The following TEAD1 variants were observed in gnomAD, a reference collection of about 807,000 sequenced individuals.
The protein encoded by TEAD1 is transcriptional enhancer factor TEF-1.
Under a neutral mutation model 54.9 loss-of-function variants are expected in TEAD1, and 9 were observed. The observed-to-expected ratio is 0.16, with a 90% CI of 0.10 to 0.29. The LOEUF (loss-of-function observed/expected upper bound fraction) is 0.29, where lower values mean the gene tolerates loss of function less well. TEAD1 is among the 10% of genes least tolerant of loss of function. The probability of loss-of-function intolerance (pLI) is 1.00; values close to 1 mark genes in which losing one functional copy is unlikely to be tolerated. For synonymous variants in TEAD1, 200 were observed against 187.8 expected (o/e 1.07, Z -0.53); for missense variants, 387 against 535.9 (o/e 0.72, Z 2.74).
chr11:12,709,061 G>C (rs1183559624), intron 2 of TEAD1, among the ~76,000 whole-genome samples: 1 of 152,140 alleles, frequency 6.6e-6, no homozygotes, highest in Non-Finnish European at 1.5e-5. Context: ...ATTTGGGCTG[G>C]GTGCGGTAGC....
chr11:12,908,862 T>A (rs987289109), intron 10 of TEAD1, among the ~76,000 whole-genome samples: 1 of 151,406 alleles, frequency 6.6e-6, no homozygotes, highest in African/African-American at 2.4e-5. Flanking sequence ...TAGCTATATG[T>A]CAGTATACTT....
At chr11:12,690,263 AT>A (rs1411768297) in intron 2 of TEAD1, among the ~76,000 whole-genome samples, 5 of 150,462 alleles carry the variant, frequency 3.3e-5, no homozygotes, top group Non-Finnish European at 5.9e-5. Context: ...AAAAAAAAAA[AT>A]AATAAGCCCT....
intron 2 of TEAD1, among the ~76,000 whole-genome samples, chr11:12,743,812 A>G (rs1944693005): frequency 6.6e-6 from 1 of 152,250 alleles, no homozygotes; most frequent in African/African-American, 2.4e-5. Context: ...GCATTGGCAC[A>G]GTAGAAACTA....
chr11:12,767,239 C>T lies in TEAD1; in HGVS notation c.202+2805C>T, dbSNP rs1490706567. Among the ~76,000 whole-genome samples, 3 of 152,136 alleles carry T rather than the reference C, an allele frequency of 2.0e-5. No homozygotes were observed. The East Asian group carries it at 5.8e-4, about 29-fold the overall frequency. On this transcript the variant is annotated intron_variant, in intron 3 of 12. Coordinates refer to ENST00000527636, the MANE Select transcript of TEAD1 (RefSeq NM_021961.6). ...CAGAGCTACTGTCCTGGGCTTTTGG[C>T]CTGTTCCCCATCTTACCATACATGA...
intron 3 of TEAD1, among the ~76,000 whole-genome samples, chr11:12,845,691 A>G (rs1353232785): frequency 6.6e-6 from 1 of 151,970 alleles, no homozygotes; most frequent in Admixed American, 6.6e-5. Context: ...TTTCATCTCA[A>G]GAACCACCTG....
At position 12,862,252 on chromosome 11, in the gene TEAD1, A is replaced by C. The variant is rs1472395742; in HGVS notation, c.205A>C (p.Arg69=). 1.2e-6 allele frequency: 2 copies of C among 1,613,736 alleles called. No homozygotes were observed. Among genetic ancestry groups the C allele is most frequent in the African/African-American group, 2.7e-5 (2 of 74,998 alleles). ...TGGTAAATTCTTCTTTCTTTCAGGT[A>C]GGAATGAATTGATAGCCAGATACAT... The change falls in exon 4 of 13, where the codon AGG becomes CGG. Residue 69 remains arginine (R), a splice_region_variant and synonymous_variant. Transcript: ENST00000527636.
rs746212135 is a variant in TEAD1, at chr11:12,881,918, G to T, written c.535G>T (p.Ala179Ser). ...CAGCGTCAAGCCTTTTGTGCAGCAG[G>T]CCTACCCCATCCAGCCAGCGGTCAC... is the stretch of plus-strand genomic sequence containing the variant. Residue 179 changes from alanine to serine, a missense_variant, in exon 8 of 13, where the codon GCC (alanine) becomes TCC (serine). By Grantham distance (99) the Ala-to-Ser change is moderately conservative (BLOSUM62 1). Around this residue, in one of 5 missense-constraint regions of TEAD1, gnomAD observed 180 missense variants for 180.6 expected, o/e 1.00. Transcript: ENST00000527636. The T allele has an allele frequency of 5.6e-6, 9 of 1,614,042 alleles. No homozygotes were observed. The highest frequency in any genetic ancestry group is 7.6e-6 in the Non-Finnish European group (9 of 1,180,032).
chr11:12,763,180 C>CT (rs1945135160), intron 2 of TEAD1, among the ~76,000 whole-genome samples: 1 of 152,148 alleles, frequency 6.6e-6, no homozygotes, highest in Non-Finnish European at 1.5e-5. Flanking sequence ...AAAGCTTATC[C>CT]TTTTATGACC....
rs140615644 is a variant in TEAD1 at position 12,831,865 on chromosome 11, G to A, written c.203-30385G>A. On this transcript the variant is annotated intron_variant, in intron 3 of 12. Transcript: ENST00000527636. Reference sequence around the variant, plus strand: ...TACATTTACTTATTTTTTACTTATTGAAATATGCCACTTGTTTTTAAATAG... The same window carrying A: ...TACATTTACTTATTTTTTACTTATTAAAATATGCCACTTGTTTTTAAATAG... Among the ~76,000 whole-genome samples the A allele has an allele frequency of 1.8e-4, 28 of 151,548 alleles. No homozygotes were observed. In the East Asian group the frequency reaches 4.1e-3, roughly 22 times the overall value.
intron 10 of TEAD1, among the ~76,000 whole-genome samples, chr11:12,913,714 G>C (rs565167702): frequency 6.6e-6 from 1 of 152,258 alleles, no homozygotes; most frequent in East Asian, 1.9e-4. Context: ...ACAGTATTTG[G>C]TATATATGTT....
intron 9 of TEAD1, among the ~76,000 whole-genome samples, chr11:12,885,628 G>A (rs975909716): frequency 3.3e-5 from 5 of 152,120 alleles, no homozygotes; most frequent in Non-Finnish European, 5.9e-5. Context: ...AAGACACTGG[G>A]AGGCAAAAGT....
In TEAD1 at chr11:12,937,253, A is replaced by G; in HGVS notation, c.*31A>G. On this transcript the variant is annotated 3_prime_UTR_variant, in exon 13 of 13. Transcript: ENST00000527636. ...GTTATTTATATATATAGATATCTGT[A>G]TATACACACACACATATGTGCACAC... The G allele has an allele frequency of 1.4e-6, 2 of 1,429,956 alleles. No homozygotes were observed. The highest frequency in any genetic ancestry group is 2.4e-5 in the East Asian group (1 of 42,260). 88.6% of individuals were successfully genotyped at this position (1,429,956 alleles called of 1,614,324 possible).
intron 2 of TEAD1, among the ~76,000 whole-genome samples, chr11:12,717,601 T>A (rs761968315): frequency 2.6e-5 from 4 of 151,852 alleles, no homozygotes; most frequent in African/African-American, 7.3e-5. Flanking sequence ...ATAATGGAAG[T>A]GGAAGGGAGG....
At chr11:12,851,144 CTATT>C in intron 3 of TEAD1, 1 of 938,768 alleles carries the variant, frequency 1.1e-6, no homozygotes, top group African/African-American at 1.8e-5. Flanking sequence ...AAGAAAAAAA[CTATT>C]TCATGATCTC....
At chr11:12,895,841 T>C (rs2134120094) in intron 9 of TEAD1, among the ~76,000 whole-genome samples, 1 of 152,292 alleles carries the variant, frequency 6.6e-6, no homozygotes, top group South Asian at 2.1e-4. Flanking sequence ...AACATGCTTA[T>C]ATTGTATATC....
chr11:12,894,325 C>G (rs1303534685), intron 9 of TEAD1, among the ~76,000 whole-genome samples: 1 of 152,084 alleles, frequency 6.6e-6, no homozygotes. Context: ...TGAGGACTAG[C>G]AGATTTGTAG....
chr11:12,813,617 T>G (rs1260086033), intron 3 of TEAD1, among the ~76,000 whole-genome samples: 1 of 152,242 alleles, frequency 6.6e-6, no homozygotes, highest in Non-Finnish European at 1.5e-5. Context: ...AGATAAGAGC[T>G]GTGTGACTGT....
chr11:12,800,624 G>A (rs1946037193), intron 3 of TEAD1, among the ~76,000 whole-genome samples: 1 of 152,216 alleles, frequency 6.6e-6, no homozygotes, highest in Non-Finnish European at 1.5e-5. Context: ...ACTTAGCACA[G>A]CACGTAGAGG....
intron 2 of TEAD1, among the ~76,000 whole-genome samples, chr11:12,694,477 A>G (rs1466350752): frequency 6.7e-6 from 1 of 148,596 alleles, no homozygotes; most frequent in Non-Finnish European, 1.5e-5. Flanking sequence ...TAACTGTTTT[A>G]TTAAATATTT....
Sources: allele counts gnomAD v4.1 joint callset (sites outside exome capture counted in the v4.1 genomes callset), GRCh38; gene constraint gnomAD v4.1.1; regional missense constraint gnomAD v4.1.1; transcripts MANE v1.5; gene names NCBI Gene and HGNC (gene_info 2026-07-23, HGNC 2026-07-21).